ACSS3: variants seen among roughly 807,000 people sequenced by gnomAD.
ACSS3 encodes the protein acyl-CoA synthetase short-chain family member 3, mitochondrial.
A neutral mutation model predicts 84.2 loss-of-function variants in ACSS3; 64 were observed. The ratio of observed to expected loss-of-function variants is 0.76; its 90% CI spans 0.62 to 0.94. ACSS3 has a LOEUF of 0.94. Among genes scored for constraint, ACSS3 ranks in the 40% least tolerant of loss-of-function variants. The pLI is 0.00. For synonymous variants in ACSS3, 317 were observed against 310.1 expected (o/e 1.02, Z -0.23); for missense variants, 815 against 867.6 (o/e 0.94, Z 0.76).
At chr12:81,159,256 A>T (rs1231448627) in intron 7 of ACSS3, among the ~76,000 whole-genome samples, 1 of 152,160 alleles carries the variant, frequency 6.6e-6, no homozygotes, top group Non-Finnish European at 1.5e-5. Context: ...CACTAAATAG[A>T]TAGATTAGAA....
intron 2 of ACSS3, among the ~76,000 whole-genome samples, chr12:81,113,628 A>G (rs1241883160): frequency 1.3e-5 from 2 of 152,158 alleles, no homozygotes; most frequent in Non-Finnish European, 2.9e-5. Context: ...TCAATGAAAG[A>G]ATAAATGAAT....
chr12:81,111,627 G>T (rs1883601297), intron 2 of ACSS3, among the ~76,000 whole-genome samples: 1 of 152,146 alleles, frequency 6.6e-6, no homozygotes, highest in South Asian at 2.1e-4. Flanking sequence ...GCCACTCCTG[G>T]ATTTGTATTC....
At chr12:81,163,910 AAC>A (rs1471073085) in intron 7 of ACSS3, among the ~76,000 whole-genome samples, 6 of 152,222 alleles carry the variant, frequency 3.9e-5, no homozygotes, top group Non-Finnish European at 5.9e-5. Flanking sequence ...AAAAAACTAA[AAC>A]ATTTATAAAG....
chr12:81,156,976 G>C (rs773883533), intron 7 of ACSS3, among the ~76,000 whole-genome samples: 1 of 152,104 alleles, frequency 6.6e-6, no homozygotes, highest in African/African-American at 2.4e-5. Flanking sequence ...AAATAGAAGA[G>C]GAGGGAACAC....
At chr12:81,089,767 T>A (rs1881554676) in intron 1 of ACSS3, among the ~76,000 whole-genome samples, 2 of 152,072 alleles carry the variant, frequency 1.3e-5, no homozygotes, top group Admixed American at 1.3e-4. Flanking sequence ...GTTTTGGTAC[T>A]AATTATGAAG....
At chr12:81,186,726 T>G (rs2031278855) in intron 8 of ACSS3, among the ~76,000 whole-genome samples, 1 of 151,792 alleles carries the variant, frequency 6.6e-6, no homozygotes, top group Non-Finnish European at 1.5e-5. Context: ...GACAAATGTG[T>G]AGAGTAAAGG....
intron 8 of ACSS3, among the ~76,000 whole-genome samples, chr12:81,185,368 A>G (rs142793348): frequency 6.6e-6 from 1 of 151,872 alleles, no homozygotes; most frequent in East Asian, 1.9e-4. Flanking sequence ...AAGAAAAAGA[A>G]ATTAAATGTA....
At chr12:81,239,896 T>C (rs1027750654) in intron 13 of ACSS3, among the ~76,000 whole-genome samples, 14 of 152,160 alleles carry the variant, frequency 9.2e-5, no homozygotes, top group Admixed American at 8.5e-4. Context: ...CACATACATA[T>C]ATATATGCTT....
At chr12:81,079,399 A>G (rs1399963509) in intron 1 of ACSS3, among the ~76,000 whole-genome samples, 1 of 152,104 alleles carries the variant, frequency 6.6e-6, no homozygotes, top group Non-Finnish European at 1.5e-5. Context: ...TAAAAGTTTG[A>G]AAAACACTGC....
chr12:81,099,675 C>T (rs369386994), intron 1 of ACSS3, among the ~76,000 whole-genome samples: 6 of 152,048 alleles, frequency 3.9e-5, no homozygotes, highest in African/African-American at 9.7e-5. Flanking sequence ...AAAAGCTGTC[C>T]GTTACTCTCT....
chr12:81,209,572 T>C (rs2032501917), intron 9 of ACSS3, among the ~76,000 whole-genome samples: 1 of 151,934 alleles, frequency 6.6e-6, no homozygotes, highest in East Asian at 1.9e-4. Flanking sequence ...GAGCTCCTGA[T>C]CCAGACCGCA....
At chr12:81,098,815 C>T (rs1882276420) in intron 1 of ACSS3, among the ~76,000 whole-genome samples, 1 of 152,208 alleles carries the variant, frequency 6.6e-6, no homozygotes, top group African/African-American at 2.4e-5. Flanking sequence ...CTCCTTACCA[C>T]ATTCCCTAGT....
rs1447067477 is a variant in ACSS3, at chr12:81,260,677, C to G, written c.*5755C>G. On this transcript the variant is annotated 3_prime_UTR_variant, in exon 16 of 16. Coordinates refer to ENST00000548058, the MANE Select transcript of ACSS3 (RefSeq NM_024560.4). ...TAGTGATCCAAATAAGGCAGCATAT[C>G]TGCTCCCATCCTAAGCCCAAAAGAC... The G allele has an allele frequency of 6.6e-6, 1 of 152,092 alleles. No individual in the cohort carries two copies. Among genetic ancestry groups the G allele is most frequent in the African/African-American group, 2.4e-5 (1 of 41,420 alleles). 9.4% of individuals were successfully genotyped at this position (152,092 alleles called of 1,614,324 possible). A position where few individuals can be genotyped will look rare whatever the true frequency, so the allele number is the denominator to read the frequency against.
At chr12:81,132,420 G>C (rs1885563639) in intron 2 of ACSS3, among the ~76,000 whole-genome samples, 4 of 152,128 alleles carry the variant, frequency 2.6e-5, no homozygotes, top group Admixed American at 2.6e-4. Flanking sequence ...TTGCATAGAG[G>C]TGTTTATAGT....
At chr12:81,152,197 A>G in intron 7 of ACSS3, 101 bp downstream of exon 7, 2 of 834,994 alleles carry the variant, frequency 2.4e-6, no homozygotes, top group East Asian at 2.7e-5. Context: ...GGGTGGGGAC[A>G]GGGGACATTA....
At chr12:81,164,684 T>G (rs1367204880) in intron 7 of ACSS3, among the ~76,000 whole-genome samples, 1 of 152,234 alleles carries the variant, frequency 6.6e-6, no homozygotes, top group East Asian at 1.9e-4. Context: ...ATTTTTCACA[T>G]GTACACCTTC....
At chr12:81,214,364 C>A (rs900852726) in intron 9 of ACSS3, among the ~76,000 whole-genome samples, 7 of 152,028 alleles carry the variant, frequency 4.6e-5, no homozygotes, top group Admixed American at 3.9e-4. Context: ...ATGAATCAAT[C>A]AAAATAAAGT....
At chr12:81,131,964 G>A (rs932734366) in intron 2 of ACSS3, among the ~76,000 whole-genome samples, 68 of 152,176 alleles carry the variant, frequency 4.5e-4, no homozygotes, top group African/African-American at 1.6e-3. Flanking sequence ...GCCTTGCATC[G>A]CAGGGATGAA....
intron 13 of ACSS3, 27 bp downstream of exon 13, chr12:81,233,498 C>T: frequency 6.2e-7 from 1 of 1,608,054 alleles, no homozygotes; most frequent in Non-Finnish European, 8.5e-7. Context: ...GTATTCTATT[C>T]CAAGTAGTGC....
Sources: gnomAD v4.1 joint callset for allele counts (sites outside exome capture counted in the v4.1 genomes callset) on GRCh38, gnomAD v4.1.1 for gene constraint, MANE v1.5 for transcripts, NCBI Gene and HGNC (gene_info 2026-07-23, HGNC 2026-07-21) for gene names.